The following EEA1 variants were observed in gnomAD, a reference collection of about 807,000 sequenced individuals.
EEA1 encodes the protein early endosome antigen 1, 162kD.
EEA1 carries 111 observed loss-of-function variants against 209.2 expected under a neutral mutation model. The observed-to-expected ratio is 0.53, with a 90% CI of 0.45 to 0.62. The LOEUF is 0.62. Ranked by LOEUF, EEA1 falls within the 20% of genes least tolerant of loss-of-function variation. The pLI, the probability that EEA1 is intolerant of heterozygous loss-of-function variation, is 0.00. For missense variants in EEA1, 1,343 were observed against 1,530.8 expected (o/e 0.88, Z 2.05); for synonymous variants, 536 against 540.6 (o/e 0.99, Z 0.12).
intron 1 of EEA1, among the ~76,000 whole-genome samples, chr12:92,911,696 G>A (rs1405158025): frequency 1.3e-5 from 2 of 152,202 alleles, no homozygotes; most frequent in Non-Finnish European, 2.9e-5. Flanking sequence ...ACTCTAGTGG[G>A]GAATGTTGAT....
rs187976261 is a variant in EEA1 at position 92,842,750 on chromosome 12, C to T, written c.799-169G>A. Among the ~76,000 whole-genome samples the T allele has an allele frequency of 7.4e-4, 112 of 152,184 alleles. 1 individual carries two copies. The highest frequency in any genetic ancestry group is 2.3e-3 in the African/African-American group (95 of 41,516). On this transcript the variant is annotated intron_variant, in intron 9 of 28. Coordinates refer to ENST00000322349, the MANE Select transcript of EEA1 (RefSeq NM_003566.4). ...GCCACATTATGCTTTTTTCGGCTTA[C>T]GACAAATTTTTACAATTTAACTAAG...
intron 21 of EEA1, among the ~76,000 whole-genome samples, chr12:92,794,379 G>A (rs2136660625): frequency 6.6e-6 from 1 of 152,190 alleles, no homozygotes; most frequent in African/African-American, 2.4e-5. Flanking sequence ...CCCATTACTG[G>A]GTAAATATCC....
rs574275740 is a variant in EEA1, at chr12:92,870,008, T to TA, written c.118-5022dup. 2.8e-4 allele frequency among the ~76,000 whole-genome samples: 43 copies of TA among 152,254 alleles called. No homozygotes were observed. The East Asian group carries it at 7.9e-3, about 28-fold the overall frequency. On this transcript the variant is annotated intron_variant, in intron 2 of 28. Coordinates refer to ENST00000322349, the MANE Select transcript of EEA1 (RefSeq NM_003566.4). The stretch of plus-strand genomic sequence containing the variant: ...ATGCACCCATTTTCTCCACCACAGT[T>TA]AAAATCTCTGGTTTAACTGTCCTCC...
chr12:92,877,092 T>C (rs576303022), intron 2 of EEA1, among the ~76,000 whole-genome samples: 2 of 151,338 alleles, frequency 1.3e-5, no homozygotes, highest in African/African-American at 2.4e-5. Flanking sequence ...TACAGGCATG[T>C]GCTGTCATGT....
chr12:92,814,870 A>T (rs1875702806), intron 15 of EEA1, among the ~76,000 whole-genome samples: 1 of 152,232 alleles, frequency 6.6e-6, no homozygotes, highest in Non-Finnish European at 1.5e-5. Flanking sequence ...ACAGCTTAAA[A>T]GCCTCATTTG....
chr12:92,792,506 C>T (rs1289413897), intron 21 of EEA1, among the ~76,000 whole-genome samples: 1 of 152,078 alleles, frequency 6.6e-6, no homozygotes, highest in African/African-American at 2.4e-5. Flanking sequence ...AACACCTCTA[C>T]ACAAATAAAC....
rs777946257 is a variant in EEA1, at chr12:92,912,816, A to G, written c.24+16227T>C. Among the ~76,000 whole-genome samples the G allele has an allele frequency of 3.3e-5, 5 of 152,102 alleles. No homozygotes were observed. The South Asian group carries it at 1.0e-3, about 32-fold the overall frequency. The stretch of plus-strand genomic sequence containing the variant: ...CAGTATTTCACTTTGTTTCTGAGTG[A>G]TTTCACTTAGGATAACGGCCTCCAG... On this transcript the variant is annotated intron_variant, in intron 1 of 28. Transcript: ENST00000322349.
chr12:92,883,964 C>T, intron 2 of EEA1: 1 of 1,447,902 alleles, frequency 6.9e-7, no homozygotes, highest in Non-Finnish European at 9.6e-7. Flanking sequence ...ACACATGCCA[C>T]TGTGGAGGAG....
At chr12:92,857,174 A>G (rs371479473) in intron 5 of EEA1, 101 bp downstream of exon 5, 27 of 805,176 alleles carry the variant, frequency 3.4e-5, no homozygotes, top group South Asian at 2.5e-4. Flanking sequence ...GAAGTTATTT[A>G]TATCAGGCCG....
chr12:92,840,956 C>T (rs1438573297), intron 10 of EEA1, among the ~76,000 whole-genome samples: 1 of 152,044 alleles, frequency 6.6e-6, no homozygotes, highest in Non-Finnish European at 1.5e-5. Flanking sequence ...CAAAAGAGGC[C>T]CCAGTGAGGT....
At chr12:92,866,802 C>A (rs1878418620) in intron 2 of EEA1, among the ~76,000 whole-genome samples, 2 of 152,212 alleles carry the variant, frequency 1.3e-5, no homozygotes, top group Admixed American at 6.5e-5. Context: ...TTCCAAACCT[C>A]CTTTTCTCAT....
intron 11 of EEA1, among the ~76,000 whole-genome samples, 173 bp downstream of exon 11, chr12:92,832,339 T>A (rs1876689568): frequency 6.6e-6 from 1 of 152,018 alleles, no homozygotes. Context: ...TAAGGGAAAC[T>A]GAAATTAAAA....
At chr12:92,843,507 G>A (rs1877261728) in intron 9 of EEA1, among the ~76,000 whole-genome samples, 1 of 152,042 alleles carries the variant, frequency 6.6e-6, no homozygotes, top group African/African-American at 2.4e-5. Flanking sequence ...GCAACAGTTT[G>A]ATCATTTAAA....
intron 23 of EEA1, among the ~76,000 whole-genome samples, chr12:92,781,194 G>A (rs1369525086): frequency 6.6e-6 from 1 of 152,092 alleles, no homozygotes; most frequent in African/African-American, 2.4e-5. Context: ...ACAGGCATGA[G>A]CCATCAAACC....
intron 1 of EEA1, among the ~76,000 whole-genome samples, chr12:92,903,642 C>T (rs1408386759): frequency 1.3e-5 from 2 of 150,988 alleles, no homozygotes. Context: ...TATGATACAT[C>T]TATTGTGAGA....
chr12:92,859,272 T>C, intron 3 of EEA1: 1 of 1,598,218 alleles, frequency 6.3e-7, no homozygotes, highest in Admixed American at 1.7e-5. Context: ...AGCTTAAATA[T>C]TGAAAGTTTT....
At chr12:92,912,668 G>A (rs1880620753) in intron 1 of EEA1, among the ~76,000 whole-genome samples, 1 of 152,078 alleles carries the variant, frequency 6.6e-6, no homozygotes, top group African/African-American at 2.4e-5. Flanking sequence ...CCCTAATAAT[G>A]TCACTGTACA....
intron 2 of EEA1, among the ~76,000 whole-genome samples, chr12:92,876,277 A>G (rs1235195042): frequency 2.6e-5 from 4 of 151,544 alleles, no homozygotes; most frequent in African/African-American, 7.3e-5. Context: ...GCATCTCCCT[A>G]TGTTGTCCAG....
At chr12:92,836,432 T>C (rs1391254727) in intron 10 of EEA1, among the ~76,000 whole-genome samples, 2 of 152,208 alleles carry the variant, frequency 1.3e-5, no homozygotes, top group African/African-American at 4.8e-5. Flanking sequence ...CCATTTTTCA[T>C]TTGTTACTTG....
Sources: allele counts gnomAD v4.1 joint callset (sites outside exome capture counted in the v4.1 genomes callset), GRCh38; gene constraint gnomAD v4.1.1; transcripts MANE v1.5; gene names NCBI Gene and HGNC (gene_info 2026-07-23, HGNC 2026-07-21).